The following SLC30A8 variants were observed in gnomAD, a reference collection of about 807,000 sequenced individuals.
The protein encoded by SLC30A8 is solute carrier family 30 member 8.
Under a neutral mutation model 36.9 loss-of-function variants are expected in SLC30A8, and 27 were observed. The ratio of observed to expected loss-of-function variants is 0.73; its 90% CI spans 0.54 to 1.01. SLC30A8 has a LOEUF of 1.01. SLC30A8 is among the 50% of genes least tolerant of loss of function. The pLI is 0.00. For missense variants in SLC30A8, 439 were observed against 452.0 expected, an observed-to-expected ratio of 0.97 and a Z score of 0.26; for synonymous variants, 164 against 172.4, an observed-to-expected ratio of 0.95 and a Z score of 0.38.
intron 2 of SLC30A8, among the ~76,000 whole-genome samples, chr8:117,104,252 T>A (rs1157718385): frequency 6.6e-6 from 1 of 152,178 alleles, no homozygotes; most frequent in Non-Finnish European, 1.5e-5. Context: ...TTTCTCCATT[T>A]CTTTCCTTTC....
At chr8:117,031,764 G>T (rs576084630) in intron 1 of SLC30A8, among the ~76,000 whole-genome samples, 2 of 151,886 alleles carry the variant, frequency 1.3e-5, no homozygotes, top group African/African-American at 2.4e-5. Flanking sequence ...GCACCCAGCC[G>T]AAATCTTCTT....
chr8:116,955,021 T>C (rs1483756293), intron 1 of SLC30A8, among the ~76,000 whole-genome samples: 3 of 152,124 alleles, frequency 2.0e-5, no homozygotes, highest in Non-Finnish European at 4.4e-5. Context: ...GTTGAGAGAA[T>C]TCTTGATGGC....
intron 1 of SLC30A8, among the ~76,000 whole-genome samples, chr8:116,987,689 T>C (rs1289981600): frequency 6.6e-6 from 1 of 152,106 alleles, no homozygotes; most frequent in East Asian, 1.9e-4. Flanking sequence ...TTTATTATTA[T>C]TACTTTTTTA....
intron 1 of SLC30A8, among the ~76,000 whole-genome samples, chr8:116,993,035 A>G (rs10505291): frequency 0.05 from 7,553 of 152,212 alleles, 611 homozygotes; most frequent in African/African-American, 0.17. Context: ...ATGGTCTTAA[A>G]GAAAACATAG....
Position 117,135,340 on chromosome 8 carries a change from G to C in SLC30A8, c.13G>C (p.Glu5Gln). 1.3e-6 allele frequency: 2 copies of C among 1,595,904 alleles called. No individual in the cohort carries two copies. Among genetic ancestry groups the C allele is most frequent in the Non-Finnish European group, 1.7e-6 (2 of 1,168,948 alleles). The change falls in exon 1 of 8, where the codon GAA (glutamate) becomes CAA (glutamine). Residue 5 changes from glutamate (E) to glutamine (Q), a missense_variant. Glu to Gln is a conservative substitution (Grantham distance 29). Transcript: ENST00000456015. Reference sequence around the variant, plus strand: ...CATCCTGGCCGTCATGGAGTTTCTTGAAAGAACGTATCTTGTGAATGATAA... The same window carrying C: ...CATCCTGGCCGTCATGGAGTTTCTTCAAAGAACGTATCTTGTGAATGATAA... MEFL[E>Q]RTYLVNDKAA...
intron 1 of SLC30A8, among the ~76,000 whole-genome samples, chr8:116,959,541 G>T (rs943539926): frequency 4.6e-5 from 7 of 152,098 alleles, no homozygotes; most frequent in African/African-American, 1.7e-4. Context: ...TTGTGTGCCA[G>T]ATATTTTTGT....
chr8:117,048,828 T>A (rs1817626921), intron 2 of SLC30A8, among the ~76,000 whole-genome samples: 1 of 152,198 alleles, frequency 6.6e-6, no homozygotes, highest in Non-Finnish European at 1.5e-5. Context: ...TATTTTAAGA[T>A]CATTACCCTT....
At chr8:117,170,049 T>C (rs1386504721) in intron 6 of SLC30A8, among the ~76,000 whole-genome samples, 2 of 152,194 alleles carry the variant, frequency 1.3e-5, no homozygotes, top group African/African-American at 4.8e-5. Flanking sequence ...GCTCAGTGGC[T>C]CATGAATGTT....
At chr8:117,091,167 T>C (rs935055022) in intron 2 of SLC30A8, among the ~76,000 whole-genome samples, 2 of 152,144 alleles carry the variant, frequency 1.3e-5, no homozygotes, top group African/African-American at 4.8e-5. Flanking sequence ...TCTTGCTAGC[T>C]CTTCATGGTG....
intron 1 of SLC30A8, among the ~76,000 whole-genome samples, chr8:116,984,587 T>TA (rs1815380563): frequency 6.6e-6 from 1 of 152,206 alleles, no homozygotes; most frequent in Non-Finnish European, 1.5e-5. Flanking sequence ...TTACCATCTG[T>TA]ATATCCTCTT....
At chr8:117,022,991 A>G (rs998045450) in intron 1 of SLC30A8, among the ~76,000 whole-genome samples, 6 of 152,248 alleles carry the variant, frequency 3.9e-5, no homozygotes, top group Admixed American at 3.9e-4. Context: ...ACAAAGGGCT[A>G]ATATCCAGAA....
chr8:116,966,935 T>G (rs10088727), intron 1 of SLC30A8, among the ~76,000 whole-genome samples: 2,259 of 152,304 alleles, frequency 0.015, 64 homozygotes, highest in African/African-American at 0.051. Flanking sequence ...ATAAAAATCA[T>G]TCTCTGATTC....
intron 1 of SLC30A8, among the ~76,000 whole-genome samples, chr8:117,011,572 G>A (rs1183538095): frequency 1.3e-5 from 2 of 152,176 alleles, no homozygotes; most frequent in Non-Finnish European, 2.9e-5. Context: ...CAGCCTCAAG[G>A]CTCTAGACTT....
intron 2 of SLC30A8, among the ~76,000 whole-genome samples, chr8:117,077,786 C>T (rs1818536584): frequency 6.6e-6 from 1 of 152,144 alleles, no homozygotes; most frequent in Non-Finnish European, 1.5e-5. Context: ...CACTAGAAAC[C>T]AATTGTTCAG....
At chr8:117,138,178 TC>T (rs1427118234) in intron 1 of SLC30A8, among the ~76,000 whole-genome samples, 2 of 151,638 alleles carry the variant, frequency 1.3e-5, no homozygotes, top group Admixed American at 6.6e-5. Flanking sequence ...GTTTCTCTTT[TC>T]CCCAAGCCAT....
chr8:116,975,581 A>G (rs1382914179), intron 1 of SLC30A8, among the ~76,000 whole-genome samples: 9 of 152,226 alleles, frequency 5.9e-5, no homozygotes. Context: ...GACGTAGAGG[A>G]CAGACCACTT....
At chr8:117,139,385 G>A (rs920851635) in intron 1 of SLC30A8, among the ~76,000 whole-genome samples, 16 of 152,184 alleles carry the variant, frequency 1.1e-4, no homozygotes, top group African/African-American at 3.6e-4. Context: ...ACTAAGGAAA[G>A]ACCACGCGAG....
Position 117,079,211 on chromosome 8 carries a change from T to C in SLC30A8, c.-226+39953T>C, listed in dbSNP as rs1818585591. ...ATTTTTAGTAGAGACAGTTTCGCCT[T>C]GTTGGCCAGGCTGGTCTTGAGCTCC... is the stretch of plus-strand genomic sequence containing the variant. On this transcript the variant is annotated intron_variant, in intron 2 of 10. Coordinates refer to the SLC30A8 transcript ENST00000427715. 2.0e-5 allele frequency among the ~76,000 whole-genome samples: 3 copies of C among 152,150 alleles called. No homozygotes were observed. In the South Asian group the frequency reaches 6.2e-4, roughly 32 times the overall value.
intron 3 of SLC30A8, among the ~76,000 whole-genome samples, chr8:117,156,161 T>TAATCCC (rs1457911373): frequency 7.2e-5 from 11 of 152,196 alleles, no homozygotes; most frequent in African/African-American, 2.4e-4. Flanking sequence ...TGCCTCAACG[T>TAATCCC]CCTGAGTAGC....
Sources: gnomAD v4.1 joint callset for allele counts (sites outside exome capture counted in the v4.1 genomes callset) on GRCh38, gnomAD v4.1.1 for gene constraint, MANE v1.5 for transcripts, NCBI Gene and HGNC (gene_info 2026-07-23, HGNC 2026-07-21) for gene names.